Variants in ERC1 observed in about 807,000 individuals in gnomAD.
The protein encoded by ERC1 is RAB6 interacting protein 2.
ERC1 carries 56 observed loss-of-function variants against 132.0 expected under a neutral mutation model. The observed-to-expected ratio is 0.42, with a 90% CI of 0.34 to 0.53. The LOEUF is 0.53. Among genes scored for constraint, ERC1 ranks in the 20% least tolerant of loss-of-function variants. The probability of loss-of-function intolerance (pLI) is 0.03; values close to 1 mark genes in which losing one functional copy is unlikely to be tolerated. For synonymous variants in ERC1, 478 were observed against 476.1 expected, an observed-to-expected ratio of 1.00 and a Z score of -0.05; for missense variants, 1,202 against 1,349.9, an observed-to-expected ratio of 0.89 and a Z score of 1.72.
intron 16 of ERC1, among the ~76,000 whole-genome samples, chr12:1,405,321 G>T: frequency 6.6e-6 from 1 of 150,766 alleles, no homozygotes. Context: ...GTTATGTACT[G>T]GAGGGAGGAA....
chr12:1,010,234 A>G (rs1964460281), intron 1 of ERC1, among the ~76,000 whole-genome samples: 1 of 152,126 alleles, frequency 6.6e-6, no homozygotes, highest in Admixed American at 6.5e-5. Context: ...TAATCCCAGC[A>G]ATTTGGGAGG....
intron 8 of ERC1, among the ~76,000 whole-genome samples, chr12:1,168,733 C>T (rs182208193): frequency 1.2e-4 from 19 of 152,108 alleles, no homozygotes; most frequent in South Asian, 4.2e-4. Flanking sequence ...ATGATCTGCC[C>T]GCCTCGGCCT....
chr12:1,033,361 G>A (rs1222425388), intron 2 of ERC1, among the ~76,000 whole-genome samples: 2 of 151,888 alleles, frequency 1.3e-5, no homozygotes, highest in South Asian at 2.1e-4. Flanking sequence ...TAGTAGAGAC[G>A]AGTTTCACCA....
chr12:1,219,591 A>G (rs1194929800), intron 12 of ERC1, among the ~76,000 whole-genome samples: 2 of 148,498 alleles, frequency 1.3e-5, no homozygotes, highest in Non-Finnish European at 3.0e-5. Context: ...CTTCTATATC[A>G]CTTCTGTACT....
At chr12:1,402,698 GAGA>G (rs2091182255) in intron 16 of ERC1, among the ~76,000 whole-genome samples, 1 of 150,902 alleles carries the variant, frequency 6.6e-6, no homozygotes, top group Non-Finnish European at 1.5e-5. Flanking sequence ...CAAGCTGTAA[GAGA>G]AGATCAGTGA....
At chr12:1,256,497 T>C (rs2076829629) in intron 13 of ERC1, among the ~76,000 whole-genome samples, 1 of 151,060 alleles carries the variant, frequency 6.6e-6, no homozygotes, top group South Asian at 2.1e-4. Context: ...AGCTTATTGA[T>C]AAACCTCCAT....
chr12:1,178,860 T>G (rs1954043290), intron 8 of ERC1, among the ~76,000 whole-genome samples: 1 of 152,176 alleles, frequency 6.6e-6, no homozygotes, highest in Non-Finnish European at 1.5e-5. Flanking sequence ...GAATGTAAGC[T>G]CCATGAAGGC....
At chr12:1,026,791 G>A (rs1329132326) in intron 1 of ERC1, among the ~76,000 whole-genome samples, 1 of 152,186 alleles carries the variant, frequency 6.6e-6, no homozygotes, top group Non-Finnish European at 1.5e-5. Flanking sequence ...TTGCTGTTGA[G>A]GGCTGTCTTC....
At chr12:1,311,946 CTAAT>C (rs1482298276) in intron 15 of ERC1, among the ~76,000 whole-genome samples, 15 of 152,254 alleles carry the variant, frequency 9.9e-5, no homozygotes, top group African/African-American at 2.9e-4. Context: ...TAAAATTAAA[CTAAT>C]TATTTCTTAT....
Position 1,232,666 on chromosome 12 carries a change from T to A in ERC1, c.2352-4103T>A, listed in dbSNP as rs1189460824. Among the ~76,000 whole-genome samples, 3 of 152,248 alleles carry A rather than the reference T, an allele frequency of 2.0e-5. No individual in the cohort carries two copies. The East Asian group carries it at 5.8e-4, about 29-fold the overall frequency. On this transcript the variant is annotated intron_variant, in intron 12 of 18. Coordinates refer to ENST00000360905, the MANE Select transcript of ERC1 (RefSeq NM_178040.4). Reference sequence around the variant, plus strand: ...CTGTTTGGTTCTTTAGAGTTTCTATTCCTTTATTAAACTGTTTGTTTTGTT... The same window carrying A: ...CTGTTTGGTTCTTTAGAGTTTCTATACCTTTATTAAACTGTTTGTTTTGTT...
intron 18 of ERC1, among the ~76,000 whole-genome samples, chr12:1,445,222 ATTTT>A (rs137864873): frequency 1.1e-5 from 1 of 90,724 alleles, no homozygotes; most frequent in Non-Finnish European, 2.0e-5. Flanking sequence ...TGTACAGTAG[ATTTT>A]TTTTTTTTTT....
chr12:1,028,024 A>C lies in ERC1; in HGVS notation c.121A>C (p.Ser41Arg), dbSNP rs1967191640. The C allele has an allele frequency of 1.9e-6, 3 of 1,613,950 alleles. No homozygotes were observed. The South Asian group carries it at 3.3e-5, about 18-fold the overall frequency. The change falls in exon 2 of 19, where the codon AGT becomes CGT. Residue 41 changes from serine to arginine, a missense_variant. Transcript: ENST00000360905. ...GHRRTNSTGG[S>R]SGSSVGGGSG... ...CCGTCGAACCAACAGTACGGGAGGGAGTTCGGGAAGCAGTGTTGGAGGTGG... is the reference window on the plus strand; with the variant it reads ...CCGTCGAACCAACAGTACGGGAGGGCGTTCGGGAAGCAGTGTTGGAGGTGG...
intron 1 of ERC1, among the ~76,000 whole-genome samples, chr12:1,001,021 A>G (rs1962154075): frequency 6.6e-6 from 1 of 152,076 alleles, no homozygotes; most frequent in Admixed American, 6.6e-5. Context: ...CTCCTGCCTC[A>G]GCCTCCCAAG....
chr12:1,042,446 A>G (rs1970402662), intron 2 of ERC1, among the ~76,000 whole-genome samples: 2 of 146,566 alleles, frequency 1.4e-5, no homozygotes, highest in Admixed American at 7.0e-5. Context: ...CCCGGGTTCA[A>G]CCGGTTCTCT....
At chr12:1,314,993 T>C (rs2081585031) in intron 15 of ERC1, among the ~76,000 whole-genome samples, 1 of 152,212 alleles carries the variant, frequency 6.6e-6, no homozygotes, top group Non-Finnish European at 1.5e-5. Context: ...CCATAAAGAC[T>C]TCTGCTTCTG....
At chr12:1,354,978 T>C (rs1400526217) in intron 15 of ERC1, among the ~76,000 whole-genome samples, 1 of 152,214 alleles carries the variant, frequency 6.6e-6, no homozygotes, top group Admixed American at 6.5e-5. Context: ...TCTCTTGTAC[T>C]AGTATCCCTC....
At chr12:1,478,521 C>T (rs111448245) in intron 18 of ERC1, among the ~76,000 whole-genome samples, 3,003 of 152,136 alleles carry the variant, frequency 0.02, 92 homozygotes, top group African/African-American at 0.069. Context: ...CGGCCGGGCG[C>T]GGTGGCTCAC....
intron 2 of ERC1, among the ~76,000 whole-genome samples, chr12:1,036,097 A>G (rs1447918895): frequency 1.3e-5 from 2 of 152,132 alleles, no homozygotes; most frequent in African/African-American, 4.8e-5. Context: ...TTCATGAACA[A>G]AATACTGTTT....
intron 17 of ERC1, among the ~76,000 whole-genome samples, chr12:1,420,449 A>AT (rs2092377854): frequency 6.7e-6 from 1 of 149,712 alleles, no homozygotes; most frequent in Admixed American, 6.6e-5. Context: ...TTTTTATTTT[A>AT]TTTATTTATT....
Sources: allele counts gnomAD v4.1 joint callset (sites outside exome capture counted in the v4.1 genomes callset), GRCh38; gene constraint gnomAD v4.1.1; transcripts MANE v1.5; gene names NCBI Gene and HGNC (gene_info 2026-07-23, HGNC 2026-07-21).